The following AOAH variants were observed in gnomAD, a reference collection of about 807,000 sequenced individuals.
AOAH encodes the protein acyloxyacyl hydrolase (neutrophil).
A neutral mutation model predicts 92.2 loss-of-function variants in AOAH; 64 were observed. The ratio of observed to expected loss-of-function variants is 0.69; its 90% CI spans 0.57 to 0.86. The LOEUF (loss-of-function observed/expected upper bound fraction) is 0.86. Ranked by LOEUF, AOAH falls within the 40% of genes least tolerant of loss-of-function variation. The pLI is 0.00. For missense variants in AOAH, 656 were observed against 694.6 expected (o/e 0.94, Z 0.62); for synonymous variants, 263 against 254.5 (o/e 1.03, Z -0.32).
Position 36,534,609 on chromosome 7 carries a change from T to G in AOAH, c.1307-2265A>C, listed in dbSNP as rs1220686215. Among the ~76,000 whole-genome samples, 13 of 152,294 alleles carry G rather than the reference T, an allele frequency of 8.5e-5. No homozygotes were observed. The East Asian group carries it at 2.5e-3, about 29-fold the overall frequency. On this transcript the variant is annotated intron_variant, in intron 16 of 20. Transcript: ENST00000617537. ...TACACTTTCTGCTTTATTGGCAATA[T>G]CAGTTGGTCCCCCACTCTTTCTTTT...
At chr7:36,678,887 C>G (rs1303131745) in intron 2 of AOAH, among the ~76,000 whole-genome samples, 1 of 152,136 alleles carries the variant, frequency 6.6e-6, no homozygotes, top group Non-Finnish European at 1.5e-5. Context: ...GTTACTGATA[C>G]ACCTGAAGAA....
At chr7:36,551,028 T>C (rs1786197397) in intron 13 of AOAH, among the ~76,000 whole-genome samples, 1 of 152,116 alleles carries the variant, frequency 6.6e-6, no homozygotes, top group South Asian at 2.1e-4. Flanking sequence ...TAAATAAATA[T>C]TGCTTTATTT....
chr7:36,673,815 T>C, intron 3 of AOAH, 128 bp downstream of exon 3: 1 of 624,290 alleles, frequency 1.6e-6, no homozygotes, highest in East Asian at 2.9e-5. Flanking sequence ...TACTAAGAGC[T>C]GGAATAACAC....
intron 13 of AOAH, among the ~76,000 whole-genome samples, chr7:36,554,251 C>T (rs1174544849): frequency 6.6e-6 from 1 of 152,198 alleles, no homozygotes; most frequent in African/African-American, 2.4e-5. Context: ...GTCCTTTCCC[C>T]ATTGCTTGTT....
At chr7:36,520,304 C>T (rs1324681565) in intron 20 of AOAH, among the ~76,000 whole-genome samples, 2 of 152,168 alleles carry the variant, frequency 1.3e-5, no homozygotes, top group African/African-American at 4.8e-5. Flanking sequence ...TTAGTTTGTT[C>T]CTGATACTTT....
At chr7:36,559,898 T>G (rs957299138) in intron 13 of AOAH, among the ~76,000 whole-genome samples, 1 of 152,180 alleles carries the variant, frequency 6.6e-6, no homozygotes, top group Non-Finnish European at 1.5e-5. Context: ...TCCATTTGAG[T>G]CAATTTTTGT....
intron 8 of AOAH, among the ~76,000 whole-genome samples, chr7:36,621,157 T>C (rs191831973): frequency 7.2e-5 from 11 of 152,390 alleles, no homozygotes; most frequent in Non-Finnish European, 1.6e-4. Flanking sequence ...CATCCCATTG[T>C]GCCCCTAAAT....
intron 20 of AOAH, among the ~76,000 whole-genome samples, chr7:36,519,824 A>G (rs1476019385): frequency 6.6e-6 from 1 of 152,184 alleles, no homozygotes; most frequent in Admixed American, 6.5e-5. Context: ...ACTGCTTTAT[A>G]TTTAATTGTC....
At chr7:36,678,094 A>G (rs1796370776) in intron 2 of AOAH, among the ~76,000 whole-genome samples, 1 of 152,236 alleles carries the variant, frequency 6.6e-6, no homozygotes, top group South Asian at 2.1e-4. Context: ...TAAATGAGTG[A>G]ACTGTACAGT....
chr7:36,670,110 A>T (rs1454806141), intron 3 of AOAH, among the ~76,000 whole-genome samples: 1 of 152,210 alleles, frequency 6.6e-6, no homozygotes, highest in Non-Finnish European at 1.5e-5. Flanking sequence ...TAGGAAGGAA[A>T]TGTAATTGCT....
rs771761106 is a variant in AOAH, at chr7:36,519,401, G to C, written c.1599+2638C>G. On this transcript the variant is annotated intron_variant, in intron 20 of 20. Transcript: ENST00000617537. The stretch of plus-strand genomic sequence containing the variant: ...GCTTCCCTTCACTCTACTAGCTCAT[G>C]GTCTTTGTTCTGACATCACCTCCTC... Among the ~76,000 whole-genome samples, 103 of 152,274 alleles carry C rather than the reference G, an allele frequency of 6.8e-4. 1 individual carries two copies. Among genetic ancestry groups the C allele is most frequent in the Admixed American group, 4.9e-3 (75 of 15,290 alleles).
chr7:36,582,516 T>C (rs1238302484), intron 12 of AOAH, among the ~76,000 whole-genome samples: 1 of 152,204 alleles, frequency 6.6e-6, no homozygotes, highest in Non-Finnish European at 1.5e-5. Context: ...AGAATGGCTG[T>C]TACTCTTCCC....
At chr7:36,604,835 TAAG>T (rs1790882501) in intron 11 of AOAH, among the ~76,000 whole-genome samples, 1 of 152,234 alleles carries the variant, frequency 6.6e-6, no homozygotes, top group South Asian at 2.1e-4. Flanking sequence ...CCTGCTCTGT[TAAG>T]AAGAGCTGAT....
chr7:36,639,916 C>A (rs1358326015), intron 4 of AOAH, among the ~76,000 whole-genome samples: 1 of 152,158 alleles, frequency 6.6e-6, no homozygotes, highest in Non-Finnish European at 1.5e-5. Context: ...TTTGAGAGAA[C>A]CAATCTCATT....
intron 18 of AOAH, among the ~76,000 whole-genome samples, chr7:36,531,743 G>A (rs914339032): frequency 3.9e-5 from 6 of 152,184 alleles, no homozygotes; most frequent in African/African-American, 1.4e-4. Context: ...AGGGAGGAAG[G>A]TTCTTATTTA....
chr7:36,635,624 T>C (rs1361138769), intron 5 of AOAH, among the ~76,000 whole-genome samples: 1 of 152,200 alleles, frequency 6.6e-6, no homozygotes, highest in Non-Finnish European at 1.5e-5. Context: ...GGTTGTCCAC[T>C]GTACGATCCC....
intron 3 of AOAH, among the ~76,000 whole-genome samples, chr7:36,666,688 C>G (rs1038230063): frequency 2.6e-5 from 4 of 151,924 alleles, no homozygotes; most frequent in African/African-American, 9.7e-5. Flanking sequence ...TTATGTTTTT[C>G]TAATATAGTC....
At chr7:36,684,527 TAATA>T (rs756173985) in intron 2 of AOAH, among the ~76,000 whole-genome samples, 32 of 152,046 alleles carry the variant, frequency 2.1e-4, no homozygotes, top group African/African-American at 2.9e-4. Flanking sequence ...ATATGTCAAT[TAATA>T]AATAAGAAAT....
At chr7:36,528,088 A>G (rs1784497055) in intron 19 of AOAH, among the ~76,000 whole-genome samples, 1 of 152,202 alleles carries the variant, frequency 6.6e-6, no homozygotes, top group African/African-American at 2.4e-5. Context: ...CAGGTCCCAC[A>G]GTGGTCTCAC....
Sources: allele counts gnomAD v4.1 joint callset (sites outside exome capture counted in the v4.1 genomes callset), GRCh38; gene constraint gnomAD v4.1.1; transcripts MANE v1.5; gene names NCBI Gene and HGNC (gene_info 2026-07-23, HGNC 2026-07-21).